The following CSMD1 variants were observed in gnomAD, a reference collection of about 807,000 sequenced individuals.
CSMD1 encodes the protein CUB and Sushi multiple domains 1.
Under a neutral mutation model 417.5 loss-of-function variants are expected in CSMD1, and 213 were observed. The observed-to-expected ratio is 0.51, with a 90% CI of 0.46 to 0.57. CSMD1 has a LOEUF of 0.57. Ranked by LOEUF, CSMD1 falls within the 20% of genes least tolerant of loss-of-function variation. The pLI, the probability that CSMD1 is intolerant of heterozygous loss-of-function variation, is 0.00. For synonymous variants in CSMD1, 2,862 were observed against 1,736.8 expected (o/e 1.65, Z -16.11); for missense variants, 6,923 against 4,529.7 (o/e 1.53, Z -15.17).
intron 10 of CSMD1, among the ~76,000 whole-genome samples, chr8:3,518,484 T>G (rs967305653): frequency 2.6e-5 from 4 of 152,176 alleles, no homozygotes; most frequent in Middle Eastern, 3.2e-3. Context: ...TAAAATCTCA[T>G]TGGTAGACTC....
intron 23 of CSMD1, among the ~76,000 whole-genome samples, chr8:3,331,046 C>A (rs904216587): frequency 3.9e-5 from 6 of 151,918 alleles, no homozygotes; most frequent in African/African-American, 1.4e-4. Context: ...GTCAGGATAT[C>A]GAGACCACAG....
chr8:3,902,495 T>C (rs1439292869), intron 5 of CSMD1, among the ~76,000 whole-genome samples: 1 of 152,090 alleles, frequency 6.6e-6, no homozygotes, highest in Admixed American at 6.5e-5. Flanking sequence ...TAGTTTGGGA[T>C]GAAACTTCCA....
chr8:3,101,893 C>T lies in CSMD1; in HGVS notation c.6949+4635G>A, dbSNP rs189029425. 5.5e-3 allele frequency among the ~76,000 whole-genome samples: 804 copies of T among 146,370 alleles called. 11 individuals are homozygous for T. Among genetic ancestry groups the T allele is most frequent in the Admixed American group, 0.019 (265 of 14,062 alleles). On this transcript the variant is annotated intron_variant, in intron 46 of 69. Coordinates refer to ENST00000635120, the MANE Select transcript of CSMD1 (RefSeq NM_033225.6). ...CTCAGCTCACTGCAACCTCCACATGCGGGGTTCAAGCAATTCTCCAGCCTC... is the reference window on the plus strand; with the variant it reads ...CTCAGCTCACTGCAACCTCCACATGTGGGGTTCAAGCAATTCTCCAGCCTC...
intron 3 of CSMD1, among the ~76,000 whole-genome samples, chr8:4,204,232 C>T (rs925497079): frequency 2.0e-5 from 3 of 151,796 alleles, no homozygotes; most frequent in East Asian, 1.9e-4. Context: ...AGAACATCCT[C>T]TTTTTTCTAA....
At chr8:4,094,884 A>C (rs1392688099) in intron 3 of CSMD1, among the ~76,000 whole-genome samples, 3 of 152,224 alleles carry the variant, frequency 2.0e-5, no homozygotes, top group Non-Finnish European at 4.4e-5. Flanking sequence ...TGTATGTTAA[A>C]AGACAGATTG....
chr8:3,508,006 G>C (rs946461232), intron 10 of CSMD1, among the ~76,000 whole-genome samples: 3 of 152,112 alleles, frequency 2.0e-5, no homozygotes, highest in Non-Finnish European at 4.4e-5. Context: ...AGGCTCTTGA[G>C]TTTTATTAGA....
intron 3 of CSMD1, among the ~76,000 whole-genome samples, chr8:4,125,815 A>C (rs1250084478): frequency 6.6e-6 from 1 of 152,192 alleles, no homozygotes; most frequent in Admixed American, 6.5e-5. Context: ...CAGCCCAAGA[A>C]GACCCCCATC....
intron 50 of CSMD1, among the ~76,000 whole-genome samples, chr8:3,047,292 T>C (rs1811522997): frequency 6.7e-6 from 1 of 150,282 alleles, no homozygotes; most frequent in Admixed American, 6.6e-5. Context: ...GCCCCAGCCA[T>C]CTCTTCTGTA....
intron 42 of CSMD1, among the ~76,000 whole-genome samples, chr8:3,114,002 G>A (rs551377772): frequency 6.6e-6 from 1 of 152,216 alleles, no homozygotes; most frequent in East Asian, 1.9e-4. Flanking sequence ...AGGATCATTT[G>A]ACCCCAGGAG....
chr8:4,483,337 G>A (rs1338353231), intron 2 of CSMD1, among the ~76,000 whole-genome samples: 1 of 152,138 alleles, frequency 6.6e-6, no homozygotes, highest in African/African-American at 2.4e-5. Context: ...TCGGCAGCAT[G>A]AAAATGAACA....
intron 12 of CSMD1, among the ~76,000 whole-genome samples, chr8:3,450,638 A>G (rs563581144): frequency 5.3e-5 from 8 of 152,056 alleles, no homozygotes; most frequent in Non-Finnish European, 1.0e-4. Context: ...TATAAAGGAC[A>G]TGAACTCATC....
At chr8:4,453,167 T>C (rs1375979515) in intron 2 of CSMD1, among the ~76,000 whole-genome samples, 2 of 149,940 alleles carry the variant, frequency 1.3e-5, no homozygotes, top group Non-Finnish European at 3.0e-5. Context: ...ACAAGCCCGT[T>C]CCCCCCTCCA....
chr8:3,229,668 G>A (rs1459811953), intron 27 of CSMD1, among the ~76,000 whole-genome samples: 1 of 152,144 alleles, frequency 6.6e-6, no homozygotes, highest in Non-Finnish European at 1.5e-5. Context: ...CTTTTAGTGA[G>A]TAGGTTTTGC....
At chr8:3,741,793 A>G (rs151165409) in intron 6 of CSMD1, among the ~76,000 whole-genome samples, 318 of 152,186 alleles carry the variant, frequency 2.1e-3, no homozygotes, top group African/African-American at 6.8e-3. Context: ...TTTCTCTATG[A>G]CCCTCCATGG....
intron 3 of CSMD1, among the ~76,000 whole-genome samples, chr8:4,109,734 C>A (rs1170956978): frequency 6.6e-6 from 1 of 152,080 alleles, no homozygotes; most frequent in African/African-American, 2.4e-5. Flanking sequence ...ACAACTATGT[C>A]TTATTTTTAA....
chr8:3,247,733 C>T (rs1444273687), intron 26 of CSMD1, among the ~76,000 whole-genome samples: 4 of 152,142 alleles, frequency 2.6e-5, no homozygotes, highest in Admixed American at 2.6e-4. Flanking sequence ...TGTGCAGGCA[C>T]AGAATGAAAT....
intron 8 of CSMD1, among the ~76,000 whole-genome samples, chr8:3,601,435 G>T (rs1801355782): frequency 6.6e-6 from 1 of 152,160 alleles, no homozygotes; most frequent in African/African-American, 2.4e-5. Context: ...AGAAAAGCAA[G>T]CCCATCTGTA....
chr8:4,818,563 G>A lies in CSMD1; in HGVS notation c.85+175769C>T, dbSNP rs185221092. Among the ~76,000 whole-genome samples, 10 of 152,254 alleles carry A rather than the reference G, an allele frequency of 6.6e-5. No homozygotes were observed. In the East Asian group the frequency reaches 1.7e-3, roughly 26 times the overall value. On this transcript the variant is annotated intron_variant, in intron 1 of 69. Transcript: ENST00000635120. ...CATGAATCCAGAGACACACACACATGTGCACATATATTTCCCTGATAAATC... is the reference window on the plus strand; with the variant it reads ...CATGAATCCAGAGACACACACACATATGCACATATATTTCCCTGATAAATC...
intron 5 of CSMD1, among the ~76,000 whole-genome samples, chr8:3,949,701 A>G (rs1365402399): frequency 6.6e-6 from 1 of 152,142 alleles, no homozygotes; most frequent in East Asian, 1.9e-4. Context: ...TTATAAGGGC[A>G]CATTTCCTGA....
Sources: gnomAD v4.1 joint callset for allele counts (sites outside exome capture counted in the v4.1 genomes callset) on GRCh38, gnomAD v4.1.1 for gene constraint, MANE v1.5 for transcripts, NCBI Gene and HGNC (gene_info 2026-07-23, HGNC 2026-07-21) for gene names.